Variants in SDR42E1 observed in about 807,000 individuals in gnomAD.
SDR42E1 encodes the protein short chain dehydrogenase/reductase family 42E, member 1, also known as short-chain dehydrogenase/reductase family 42E member 1.
SDR42E1 carries 5 observed loss-of-function variants against 2.6 expected under a neutral mutation model. That is an observed-to-expected ratio of 1.94 (90% CI 1.01 to 4.08). SDR42E1 has a LOEUF of 4.08. Ranked by LOEUF, SDR42E1 falls within the 30% of genes most tolerant of loss-of-function variation. The pLI, the probability that SDR42E1 is intolerant of heterozygous loss-of-function variation, is 0.00. For missense variants in SDR42E1, 596 were observed against 478.6 expected, an observed-to-expected ratio of 1.25 and a Z score of -2.29; for synonymous variants, 231 against 188.3, an observed-to-expected ratio of 1.23 and a Z score of -1.86.
intron 1 of SDR42E1, among the ~76,000 whole-genome samples, chr16:82,009,267 G>A (rs906347914): frequency 2.0e-5 from 3 of 152,236 alleles, no homozygotes; most frequent in African/African-American, 7.2e-5. Flanking sequence ...GCCTAGTGGA[G>A]CTGTGAGAAG....
chr16:82,003,172 G>A (rs1350098031), intron 1 of SDR42E1, among the ~76,000 whole-genome samples: 1 of 152,188 alleles, frequency 6.6e-6, no homozygotes, highest in Non-Finnish European at 1.5e-5. Flanking sequence ...AAATGGGGCA[G>A]AGGATGGCTG....
At position 82,000,198 on chromosome 16, in the gene SDR42E1, C is replaced by G. The variant is rs1282561633; in HGVS notation, c.95G>C (p.Gly32Ala). The change falls in exon 3 of 3, where the codon GGA becomes GCA. Residue 32 changes from glycine to alanine, a missense_variant. Transcript: ENST00000328945. ...FRLGCALNQNGVHVILFDISS... is the reference protein window; with the variant it reads ...FRLGCALNQNAVHVILFDISS... The stretch of plus-strand genomic sequence containing the variant: ...GATGTCAAACAGAATCACATGGACT[C>G]CATTTTGGTTCAGGGCACAGCCCAG... The G allele has an allele frequency of 6.2e-7, 1 of 1,608,962 alleles. No homozygotes were observed. The highest frequency in any genetic ancestry group is 8.5e-7 in the Non-Finnish European group (1 of 1,177,602).
chr16:82,008,334 T>C (rs7201724), intron 1 of SDR42E1, among the ~76,000 whole-genome samples: 6,108 of 152,254 alleles, frequency 0.04, 400 homozygotes, highest in African/African-American at 0.14. Flanking sequence ...TATCTGAAAA[T>C]GTGGAAGTGA....
chr16:82,000,398 A>G, intron 2 of SDR42E1, 174 bp from the exon 3 acceptor site: 1 of 798,342 alleles, frequency 1.3e-6, no homozygotes, highest in South Asian at 1.4e-5. Flanking sequence ...AATTTTCAAA[A>G]GTGAGAATCC....
At chr16:82,002,338 TC>T (rs1362801469) in intron 1 of SDR42E1, among the ~76,000 whole-genome samples, 2 of 152,188 alleles carry the variant, frequency 1.3e-5, no homozygotes, top group African/African-American at 4.8e-5. Context: ...AAGACATTTC[TC>T]TAGATTTCAC....
chr16:82,001,584 T>G (rs1451857915), intron 1 of SDR42E1, among the ~76,000 whole-genome samples: 1 of 151,540 alleles, frequency 6.6e-6, no homozygotes, highest in Non-Finnish European at 1.5e-5. Context: ...TAAGCAAAAA[T>G]GAAGACACCC....
At position 82,000,021 on chromosome 16, in the gene SDR42E1, T is replaced by C. The variant is rs79313103; in HGVS notation, c.272A>G (p.Asn91Ser). 2,583 of 1,614,212 alleles carry C rather than the reference T, an allele frequency of 1.6e-3. 21 individuals are homozygous for C. The African/African-American group carries it at 0.017, about 11-fold the overall frequency. The change falls in exon 3 of 3, where the codon AAT becomes AGT. Residue 91 changes from asparagine (N) to serine (S), a missense_variant. Physicochemically the swap from Asn to Ser is conservative, Grantham distance 46. Transcript: ENST00000328945. The part of the protein sequence containing the change: ...SYGMSGREQL[N>S]RNLIKEVNVR... ...GTTGACTTCTTTGATCAGGTTTCGA[T>C]TGAGTTGCTCCCGCCCTGACATACC...
chr16:82,006,749 G>C (rs1456008372), intron 1 of SDR42E1, among the ~76,000 whole-genome samples: 1 of 152,160 alleles, frequency 6.6e-6, no homozygotes, highest in Non-Finnish European at 1.5e-5. Flanking sequence ...AGTGCAGACT[G>C]CACCACTATA....
In SDR42E1 at chr16:81,999,434, C is replaced by A. The variant is rs759903674; in HGVS notation, c.859G>T (p.Val287Phe). Reference protein sequence around the residue: ...FPSTRLPLTLVYCFAFLTEMV... With the variant: ...FPSTRLPLTLFYCFAFLTEMV... ...TCTGTTAGAAAAGCAAAGCAGTAGACCAAGGTCAATGGCAGGCGGGTAGAC... is the reference window on the plus strand; with the variant it reads ...TCTGTTAGAAAAGCAAAGCAGTAGAACAAGGTCAATGGCAGGCGGGTAGAC... Residue 287 changes from valine (V) to phenylalanine (F), a missense_variant, in exon 3 of 3, where the codon GTC (valine) becomes TTC (phenylalanine). Coordinates refer to ENST00000328945, the MANE Select transcript of SDR42E1 (RefSeq NM_145168.3). 1.2e-6 allele frequency: 2 copies of A among 1,614,142 alleles called. No individual in the cohort carries two copies. Among genetic ancestry groups the A allele is most frequent in the East Asian group, 4.5e-5 (2 of 44,884 alleles).
chr16:82,003,522 G>A (rs752212621), intron 1 of SDR42E1, among the ~76,000 whole-genome samples: 2 of 152,140 alleles, frequency 1.3e-5, no homozygotes, highest in Admixed American at 6.5e-5. Flanking sequence ...TGCTCCAACC[G>A]TACAGACTTT....
At chr16:82,005,164 A>G (rs1912893795) in intron 1 of SDR42E1, among the ~76,000 whole-genome samples, 1 of 152,224 alleles carries the variant, frequency 6.6e-6, no homozygotes, top group African/African-American at 2.4e-5. Flanking sequence ...GTCCAGTCAC[A>G]AGACCATAGG....
Position 82,000,150 on chromosome 16 carries a change from G to T in SDR42E1, c.143C>A (p.Pro48Gln). 6.2e-7 allele frequency: 1 copy of T among 1,614,080 alleles called. No homozygotes were observed. Among genetic ancestry groups the T allele is most frequent in the Non-Finnish European group, 8.5e-7 (1 of 1,179,994 alleles). Reference protein sequence around the residue: ...FDISSPAQTIPEGIKFIQGDI... With the variant: ...FDISSPAQTIQEGIKFIQGDI... The stretch of plus-strand genomic sequence containing the variant: ...TCCTTGTATAAACTTGATTCCTTCT[G>T]GAATGGTTTGAGCAGGGCTGCTGAT... Residue 48 changes from proline (P) to glutamine (Q), a missense_variant, in exon 3 of 3, where the codon CCA becomes CAA. Physicochemically the swap from Pro to Gln is moderately conservative, Grantham distance 76. Transcript: ENST00000328945.
intron 1 of SDR42E1, among the ~76,000 whole-genome samples, chr16:82,011,034 G>A (rs910213726): frequency 2.6e-5 from 4 of 152,200 alleles, no homozygotes; most frequent in African/African-American, 7.2e-5. Context: ...AGAACCAAGT[G>A]ATAAAGAGGA....
rs1387570940 is a variant in SDR42E1 at position 81,999,203 on chromosome 16, A to T, written c.1090T>A (p.Ser364Thr). 1.2e-6 allele frequency: 2 copies of T among 1,614,212 alleles called. No individual in the cohort carries two copies. The highest frequency in any genetic ancestry group is 3.3e-5 in the Admixed American group (2 of 60,030). Residue 364 changes from serine to threonine, a missense_variant, in exon 3 of 3, where the codon TCG (serine) becomes ACG (threonine). Transcript: ENST00000328945. ...AGCCCATCCCAAACAAAACACTCCG[A>T]GTCACGACTTCCAGAACTTCTGCCA... is the stretch of plus-strand genomic sequence containing the variant. ...GHGRSSGSRD[S>T]ECFVWDGLLV...
chr16:82,008,490 A>G (rs1326444901), intron 1 of SDR42E1, among the ~76,000 whole-genome samples: 1 of 152,260 alleles, frequency 6.6e-6, no homozygotes, highest in Non-Finnish European at 1.5e-5. Flanking sequence ...AATAAAGTCC[A>G]GGCTGAGGTG....
At chr16:82,005,625 T>C (rs1163707012) in intron 1 of SDR42E1, among the ~76,000 whole-genome samples, 4 of 152,218 alleles carry the variant, frequency 2.6e-5, no homozygotes, top group Non-Finnish European at 4.4e-5. Context: ...ATCTACTCTG[T>C]GGCTTCTGTT....
At chr16:82,007,600 G>C (rs1912983721) in intron 1 of SDR42E1, 1 of 152,206 alleles carries the variant, frequency 6.6e-6, no homozygotes, top group African/African-American at 2.4e-5. Context: ...AGCAGCACTC[G>C]AGGCTGTGCA....
Position 82,000,868 on chromosome 16 carries a change from T to A in SDR42E1, c.-10A>T. On this transcript the variant is annotated 5_prime_UTR_variant, in exon 2 of 3. Transcript: ENST00000328945. ...ATCTTTTGGGGTCCATATGTGGCAGTCAAAAGATAACTGGACCTGAAGAAA... is the reference window on the plus strand; with the variant it reads ...ATCTTTTGGGGTCCATATGTGGCAGACAAAAGATAACTGGACCTGAAGAAA... 6.2e-7 allele frequency: 1 copy of A among 1,610,620 alleles called. No individual in the cohort carries two copies.
chr16:81,999,291 T>G lies in SDR42E1; in HGVS notation c.1002A>C (p.Leu334=). The part of the protein sequence containing the change: ...YFSLEKAKKE[L]GYKAQPFDLQ... Reference sequence around the variant, plus strand: ...GGTCAAATGGCTGAGCCTTATAACCTAGCTCTTTCTTGGCTTTCTCTAAGC... The same window carrying G: ...GGTCAAATGGCTGAGCCTTATAACCGAGCTCTTTCTTGGCTTTCTCTAAGC... Residue 334 remains leucine (L), a synonymous_variant, in exon 3 of 3, where the codon CTA becomes CTC. Transcript: ENST00000328945. The G allele has an allele frequency of 6.2e-7, 1 of 1,614,234 alleles. No homozygotes were observed. The highest frequency in any genetic ancestry group is 8.5e-7 in the Non-Finnish European group (1 of 1,180,036).
Sources: allele counts gnomAD v4.1 joint callset (sites outside exome capture counted in the v4.1 genomes callset), GRCh38; gene constraint gnomAD v4.1.1; transcripts MANE v1.5; gene names NCBI Gene and HGNC (gene_info 2026-07-23, HGNC 2026-07-21).